The following SYNJ2 variants were observed in gnomAD, a reference collection of about 807,000 sequenced individuals.
SYNJ2 encodes the protein polyphosphatidylinositol phosphatase SYNJ2.
In SYNJ2, 116 loss-of-function variants were observed where a neutral mutation model predicts 141.3. The ratio of observed to expected loss-of-function variants is 0.82; its 90% CI spans 0.71 to 0.96. The LOEUF (loss-of-function observed/expected upper bound fraction) is 0.96. Among genes scored for constraint, SYNJ2 ranks in the 40% least tolerant of loss-of-function variants. The pLI is 0.00. For synonymous variants in SYNJ2, 745 were observed against 777.7 expected (o/e 0.96, Z 0.70); for missense variants, 1,873 against 1,934.8 (o/e 0.97, Z 0.60).
chr6:157,985,162 G>A (rs1323902578), intron 1 of SYNJ2, among the ~76,000 whole-genome samples: 3 of 152,186 alleles, frequency 2.0e-5, no homozygotes, highest in Non-Finnish European at 4.4e-5. Context: ...TGGAGACAGG[G>A]GCTTGAACTG....
At chr6:158,008,045 G>A (rs1406198740) in intron 1 of SYNJ2, among the ~76,000 whole-genome samples, 1 of 152,178 alleles carries the variant, frequency 6.6e-6, no homozygotes, top group Non-Finnish European at 1.5e-5. Flanking sequence ...TCCTGCCCTA[G>A]CCTCCTAAAG....
At chr6:158,036,813 A>T (rs1026879604) in intron 4 of SYNJ2, among the ~76,000 whole-genome samples, 1 of 152,242 alleles carries the variant, frequency 6.6e-6, no homozygotes, top group East Asian at 1.9e-4. Context: ...AAAAGGGGAC[A>T]GAGAGAGAAG....
At chr6:158,054,855 A>C in intron 5 of SYNJ2, 112 bp from the exon 6 acceptor site, 1 of 1,055,226 alleles carries the variant, frequency 9.5e-7, no homozygotes, top group South Asian at 1.4e-5. Flanking sequence ...GAGGTGGCCT[A>C]GTGGGTGCCA....
In SYNJ2 at chr6:158,066,777, C is replaced by T. The variant is rs1349592087; in HGVS notation, c.1717+142C>T. 3 of 983,834 alleles carry T rather than the reference C, an allele frequency of 3.0e-6. No individual in the cohort carries two copies. The East Asian group carries it at 7.9e-5, about 26-fold the overall frequency. The allele number at this position is 983,834 out of a possible 1,614,324, so 60.9% of individuals were successfully genotyped here. A position where few individuals can be genotyped will look rare whatever the true frequency, so the allele number is the denominator to read the frequency against. On this transcript the variant is annotated intron_variant, in intron 12 of 26. Transcript: ENST00000355585. ...CACAATGTCTAAATAGCACCATGGC[C>T]TGACTCTCAAGAATGCTGCCTCGCA...
chr6:158,091,701 G>C (rs1783463371), intron 25 of SYNJ2, among the ~76,000 whole-genome samples: 1 of 146,068 alleles, frequency 6.8e-6, no homozygotes, highest in Non-Finnish European at 1.5e-5. Context: ...AGTGAGCCAA[G>C]ATAACGCCAC....
chr6:158,064,471 C>A, intron 9 of SYNJ2, 130 bp from the exon 10 acceptor site: 1 of 1,172,908 alleles, frequency 8.5e-7, no homozygotes, highest in Non-Finnish European at 1.2e-6. Context: ...ACTCCTCATC[C>A]TCTGGAGGGG....
At chr6:158,029,890 T>C (rs943630909) in intron 3 of SYNJ2, among the ~76,000 whole-genome samples, 8 of 152,122 alleles carry the variant, frequency 5.3e-5, no homozygotes, top group Admixed American at 4.6e-4. Flanking sequence ...GTCGAGGGAA[T>C]TTTGCCAAAC....
rs528543900 is a variant in SYNJ2 at position 158,066,477 on chromosome 6, G to A, written c.1559G>A (p.Arg520His). Residue 520 changes from arginine to histidine, a missense_variant, in exon 12 of 27, where the codon CGT (arginine) becomes CAT (histidine). Coordinates refer to ENST00000355585, the MANE Select transcript of SYNJ2 (RefSeq NM_003898.4). ...TPRILKAMTERQSEFTNFKRI... is the reference protein window; with the variant it reads ...TPRILKAMTEHQSEFTNFKRI... ...AGGATCCTGAAAGCTATGACTGAGC[G>A]TCAGTCCGAATTCACAAATTTCAAG... is the stretch of plus-strand genomic sequence containing the variant. The A allele has an allele frequency of 3.2e-4, 511 of 1,614,106 alleles. 1 individual carries two copies. The South Asian group carries it at 4.7e-3, about 15-fold the overall frequency.
chr6:158,061,683 G>GCC (rs34570101), intron 7 of SYNJ2, among the ~76,000 whole-genome samples: 53,704 of 151,962 alleles, frequency 0.35, 9,831 homozygotes, highest in South Asian at 0.44. Flanking sequence ...CCTCACCTGT[G>GCC]CCCTCCAGAG....
chr6:157,984,583 T>G (rs920285752), intron 1 of SYNJ2, among the ~76,000 whole-genome samples: 3 of 152,166 alleles, frequency 2.0e-5, no homozygotes, highest in Non-Finnish European at 2.9e-5. Flanking sequence ...TTTGTATTTT[T>G]AGTAGAGACG....
At chr6:158,065,645 G>A (rs1478838097) in intron 11 of SYNJ2, among the ~76,000 whole-genome samples, 10 of 152,168 alleles carry the variant, frequency 6.6e-5, no homozygotes. Flanking sequence ...AGGTGTTTTT[G>A]AAAAATGAAC....
chr6:157,985,254 C>A (rs1777157221), intron 1 of SYNJ2, among the ~76,000 whole-genome samples: 1 of 144,262 alleles, frequency 6.9e-6, no homozygotes. Context: ...CTTCACCTGT[C>A]TTCACCTGTC....
chr6:158,059,631 T>G, intron 7 of SYNJ2: 1 of 1,032,534 alleles, frequency 9.7e-7, no homozygotes, highest in Non-Finnish European at 1.2e-6. Flanking sequence ...CTCAGCTCAC[T>G]GCAACCTCTG....
intron 7 of SYNJ2, 117 bp from the exon 8 acceptor site, chr6:158,061,875 G>C: frequency 9.6e-7 from 1 of 1,045,070 alleles, no homozygotes; most frequent in Non-Finnish European, 1.4e-6. Flanking sequence ...TCCAGCTAAA[G>C]CACGTCCTGC....
At chr6:158,012,178 A>T (rs1043809551) in intron 1 of SYNJ2, among the ~76,000 whole-genome samples, 4 of 152,116 alleles carry the variant, frequency 2.6e-5, no homozygotes, top group Non-Finnish European at 5.9e-5. Flanking sequence ...GGGGGAGAGG[A>T]TGCCTCTTCC....
At chr6:158,088,878 C>T in intron 24 of SYNJ2, 106 bp downstream of exon 24, 1 of 785,760 alleles carries the variant, frequency 1.3e-6, no homozygotes, top group Non-Finnish European at 2.1e-6. Flanking sequence ...TAACCCTCTA[C>T]CTGCTCACCA....
Position 158,076,655 on chromosome 6 carries a change from T to C in SYNJ2, c.2322T>C (p.Ile774=). 6.2e-7 allele frequency: 1 copy of C among 1,613,912 alleles called. No individual in the cohort carries two copies. The highest frequency in any genetic ancestry group is 8.5e-7 in the Non-Finnish European group (1 of 1,179,938). Residue 774 remains isoleucine (I), a synonymous_variant, in exon 17 of 27, where the codon ATT becomes ATC. Transcript: ENST00000355585. ...KIFKDFHEGA[I]NFGPTYKYDV... is the part of the protein sequence containing the mutation. ...TTAAGGACTTTCACGAAGGAGCCAT[T>C]AACTTTGGACCCACCTACAAGTATG...
intron 18 of SYNJ2, among the ~76,000 whole-genome samples, chr6:158,080,732 G>A (rs1454742675): frequency 6.6e-6 from 1 of 152,146 alleles, no homozygotes; most frequent in African/African-American, 2.4e-5. Flanking sequence ...CCTCCTTGGT[G>A]GTACTGAGGA....
chr6:158,064,573 G>A (rs780694285), intron 9 of SYNJ2, 28 bp from the exon 10 acceptor site: 1 of 1,609,650 alleles, frequency 6.2e-7, no homozygotes, highest in Non-Finnish European at 8.5e-7. Flanking sequence ...GGAGAAGCCA[G>A]TGACAGCCAT....
Sources: gnomAD v4.1 joint callset for allele counts (sites outside exome capture counted in the v4.1 genomes callset) on GRCh38, gnomAD v4.1.1 for gene constraint, MANE v1.5 for transcripts, NCBI Gene and HGNC (gene_info 2026-07-23, HGNC 2026-07-21) for gene names.